Variants in ADPRHL1 observed in about 807,000 individuals in gnomAD.
The protein encoded by ADPRHL1 is inactive ADP-ribosyltransferase ARH2.
ADPRHL1 carries 43 observed loss-of-function variants against 44.1 expected under a neutral mutation model. The observed-to-expected ratio is 0.98, with a 90% CI of 0.76 to 1.26. ADPRHL1 has a LOEUF of 1.26. ADPRHL1 is among the 50% of genes most tolerant of loss of function. The pLI, the probability that ADPRHL1 is intolerant of heterozygous loss-of-function variation, is 0.00. For missense variants in ADPRHL1, 2,022 were observed against 2,496.9 expected (o/e 0.81, Z 4.05); for synonymous variants, 878 against 1,017.4 (o/e 0.86, Z 2.61).
At chr13:113,424,136 A>G in intron 6 of ADPRHL1, 81 bp downstream of exon 6, 2 of 1,532,034 alleles carry the variant, frequency 1.3e-6, no homozygotes. Flanking sequence ...GAATGCCTGC[A>G]GTCCTAGGAC....
chr13:113,411,595 G>A (rs574405007), intron 7 of ADPRHL1, among the ~76,000 whole-genome samples: 1 of 152,168 alleles, frequency 6.6e-6, no homozygotes, highest in Admixed American at 6.5e-5. Context: ...CTTTCACCCC[G>A]CAGCGTGATC....
At chr13:113,423,292 G>C (rs970004614) in intron 6 of ADPRHL1, among the ~76,000 whole-genome samples, 1 of 152,126 alleles carries the variant, frequency 6.6e-6, no homozygotes, top group African/African-American at 2.4e-5. Flanking sequence ...CAAACAGGAG[G>C]GGGACAGGCG....
intron 1 of ADPRHL1, among the ~76,000 whole-genome samples, chr13:113,445,266 C>T (rs889114155): frequency 1.3e-5 from 2 of 152,254 alleles, no homozygotes; most frequent in Non-Finnish European, 2.9e-5. Flanking sequence ...GCCATATTCC[C>T]TGATAAGGCT....
chr13:113,406,151 G>A lies in ADPRHL1; in HGVS notation c.3131C>T (p.Ala1044Val). Residue 1044 changes from alanine to valine, a missense_variant, in exon 8 of 8, where the codon GCA (alanine) becomes GTA (valine). Coordinates refer to ENST00000612156, the MANE Select transcript of ADPRHL1 (RefSeq NM_001394807.1). ...AGGCCCCGTACGCCCCTTGGATGAT[G>A]CCGCCAGTGACGTGGGGGCTCCTGT... is the stretch of plus-strand genomic sequence containing the variant. ...NPTGAPTSLA[A>V]SSKGRTGPEG... The A allele has an allele frequency of 8.1e-7, 1 of 1,232,148 alleles. No homozygotes were observed. The highest frequency in any genetic ancestry group is 1.5e-5 in the African/African-American group (1 of 64,552). The allele number at this position is 1,232,148 out of a possible 1,614,324, so 76.3% of individuals were successfully genotyped here.
At chr13:113,439,985 A>G (rs2044086455) in intron 2 of ADPRHL1, among the ~76,000 whole-genome samples, 1 of 152,166 alleles carries the variant, frequency 6.6e-6, no homozygotes, top group African/African-American at 2.4e-5. Flanking sequence ...ACATCAGTCT[A>G]GCTAGAGGAT....
At position 113,424,408 on chromosome 13, in the gene ADPRHL1, T is replaced by G. The variant is rs1595544582; in HGVS notation, c.775-59A>C. The G allele has an allele frequency of 4.4e-6, 7 of 1,601,770 alleles. No homozygotes were observed. In the East Asian group the frequency reaches 1.6e-4, roughly 36 times the overall value. Reference sequence around the variant, plus strand: ...CAAGTGGAGCCACTTCTGGGTATATTACAGCACAAGCTTTCTGGGCCCCTC... The same window carrying G: ...CAAGTGGAGCCACTTCTGGGTATATGACAGCACAAGCTTTCTGGGCCCCTC... On this transcript the variant is annotated intron_variant, in intron 5 of 7. Coordinates refer to ENST00000612156, the MANE Select transcript of ADPRHL1 (RefSeq NM_001394807.1).
At chr13:113,423,067 C>G in intron 6 of ADPRHL1, 88 bp from the exon 7 acceptor site, 1 of 1,560,288 alleles carries the variant, frequency 6.4e-7, no homozygotes, top group Non-Finnish European at 8.7e-7. Context: ...TAAGGTGGGC[C>G]AAACCCCAAT....
intron 7 of ADPRHL1, among the ~76,000 whole-genome samples, chr13:113,421,618 C>G (rs116019064): frequency 6.6e-6 from 1 of 152,164 alleles, no homozygotes; most frequent in Non-Finnish European, 1.5e-5. Context: ...CCCAATGCAC[C>G]TGGGAGCTGG....
rs2043751190 is a variant in ADPRHL1, at chr13:113,400,413, G to A, written c.*2965C>T. On this transcript the variant is annotated 3_prime_UTR_variant, in exon 8 of 8. Transcript: ENST00000612156. ...TCTGCCTCGGCCTCCCAAAGTGCTG[G>A]GATTACAGGCATGAGCCACCGTGCC... 1 of 150,904 alleles carries A rather than the reference G, an allele frequency of 6.6e-6. No homozygotes were observed. The highest frequency in any genetic ancestry group is 2.4e-5 in the African/African-American group (1 of 41,160). The allele number at this position is 150,904 out of a possible 1,614,324, so 9.3% of individuals were successfully genotyped here.
Position 113,409,274 on chromosome 13 carries a change from C to T in ADPRHL1, c.1062-1054G>A, listed in dbSNP as rs2043833096. 1.0e-6 allele frequency: 1 copy of T among 985,034 alleles called. No homozygotes were observed. The highest frequency in any genetic ancestry group is 1.7e-5 in the African/African-American group (1 of 57,228). The allele number at this position is 985,034 out of a possible 1,614,324, so 61.0% of individuals were successfully genotyped here. ...GAGCAAAGCTGGAAGGTCTCCCCAT[C>T]TGTGGCAGGGGGTGGAGCCGTCTCT... On this transcript the variant is annotated intron_variant, in intron 7 of 7. Transcript: ENST00000612156. This position sits in a 1 kb window ranked among gnomAD's most constrained non-coding sequence, Gnocchi z 4.2.
rs2044097912 is a variant in ADPRHL1, at chr13:113,441,472, G to A, written c.379+2953C>T. On this transcript the variant is annotated intron_variant, in intron 2 of 7. Transcript: ENST00000612156. The surrounding 1 kb of genome is among the most constrained non-coding windows in gnomAD (Gnocchi z 6.0). ...TGTCCGTCTGCAGCTCGTTACAGCT[G>A]TGGGATGACACTGTGGCATACACGG... Among the ~76,000 whole-genome samples, 2 of 152,154 alleles carry A rather than the reference G, an allele frequency of 1.3e-5. No homozygotes were observed. Among genetic ancestry groups the A allele is most frequent in the Non-Finnish European group, 2.9e-5 (2 of 68,026 alleles).
chr13:113,419,031 T>G (rs867833365), intron 7 of ADPRHL1, among the ~76,000 whole-genome samples: 69 of 134,750 alleles, frequency 5.1e-4, no homozygotes, highest in Non-Finnish European at 6.1e-4. Flanking sequence ...TTTCTTCCCC[T>G]TCCCCTCCCC....
At chr13:113,443,310 T>G (rs2139647383) in intron 2 of ADPRHL1, among the ~76,000 whole-genome samples, 2 of 152,294 alleles carry the variant, frequency 1.3e-5, no homozygotes, top group South Asian at 4.1e-4. Flanking sequence ...TGGGTTTTGC[T>G]TTTAGGATTT....
intron 7 of ADPRHL1, among the ~76,000 whole-genome samples, chr13:113,408,851 G>A (rs2043828627): frequency 6.6e-6 from 1 of 151,642 alleles, no homozygotes; most frequent in Admixed American, 6.6e-5. Context: ...GGGGAGGAGG[G>A]GGCTGCAGAG....
chr13:113,417,799 A>C (rs551550595), intron 7 of ADPRHL1, among the ~76,000 whole-genome samples: 1 of 150,140 alleles, frequency 6.7e-6, no homozygotes, highest in African/African-American at 2.5e-5. Context: ...GCGTTTACAC[A>C]CGAGGGATTT....
rs77550248 is a variant in ADPRHL1 at position 113,412,889 on chromosome 13, G to A, written c.1062-4669C>T. Among the ~76,000 whole-genome samples the A allele has an allele frequency of 4.9e-3, 103 of 20,874 alleles. 2 individuals are homozygous for A. Among genetic ancestry groups the A allele is most frequent in the African/African-American group, 0.018 (35 of 1,964 alleles). The allele number at this position is 20,874 out of a possible 152,430, so 13.7% of individuals were successfully genotyped here. ...CCCACCGCCAACAGCGCCCCGCAGA[G>A]CTCGGTTCACCCACCGCCAACAGCA... On this transcript the variant is annotated intron_variant, in intron 7 of 7. Transcript: ENST00000612156.
intron 1 of ADPRHL1, among the ~76,000 whole-genome samples, chr13:113,445,425 G>C (rs927879580): frequency 6.6e-5 from 10 of 152,368 alleles, no homozygotes; most frequent in African/African-American, 2.4e-4. Flanking sequence ...GGCCATGCCA[G>C]GACAGGCTGT....
chr13:113,446,995 G>GCGCA lies in ADPRHL1; in HGVS notation c.215-2407_215-2406insTGCG, dbSNP rs1271647347. 2.9e-4 allele frequency among the ~76,000 whole-genome samples: 42 copies of GCGCA among 143,598 alleles called. 1 individual carries two copies. The highest frequency in any genetic ancestry group is 8.5e-4 in the African/African-American group (32 of 37,804). The allele number at this position is 143,598 out of a possible 152,430, so 94.2% of individuals were successfully genotyped here. A position where few individuals can be genotyped will look rare whatever the true frequency, so the allele number is the denominator to read the frequency against. On this transcript the variant is annotated intron_variant, in intron 1 of 7. Coordinates refer to ENST00000612156, the MANE Select transcript of ADPRHL1 (RefSeq NM_001394807.1). ...GGTGTCTACATGCACGGTGTTGTGT[G>GCGCA]TGCATGGTGTCTACATGCACGGTGT...
chr13:113,413,968 C>T (rs541604042), intron 7 of ADPRHL1, among the ~76,000 whole-genome samples: 1 of 152,236 alleles, frequency 6.6e-6, no homozygotes, highest in African/African-American at 2.4e-5. Flanking sequence ...CACACCCGGG[C>T]CCACCATGAT....
Sources: allele counts gnomAD v4.1 joint callset (sites outside exome capture counted in the v4.1 genomes callset), GRCh38; gene constraint gnomAD v4.1.1; non-coding constraint Gnocchi (gnomAD v3.1); transcripts MANE v1.5; gene names NCBI Gene and HGNC (gene_info 2026-07-23, HGNC 2026-07-21).